Variants in DGKI observed in about 807,000 individuals in gnomAD.
DGKI encodes the protein diacylglycerol kinase iota, also known as DAG kinase iota.
A neutral mutation model predicts 147.5 loss-of-function variants in DGKI; 55 were observed. That is an observed-to-expected ratio of 0.37 (90% CI 0.30 to 0.47). The LOEUF (loss-of-function observed/expected upper bound fraction) is 0.47, where lower values mean the gene tolerates loss of function less well. Ranked by LOEUF, DGKI falls within the 20% of genes least tolerant of loss-of-function variation. DGKI has a pLI of 1.00. For synonymous variants in DGKI, 469 were observed against 477.1 expected (o/e 0.98, Z 0.22); for missense variants, 1,007 against 1,323.8 (o/e 0.76, Z 3.71).
At chr7:137,768,370 G>A (rs1049381277) in intron 1 of DGKI, among the ~76,000 whole-genome samples, 1 of 152,142 alleles carries the variant, frequency 6.6e-6, no homozygotes, top group Admixed American at 6.5e-5. Context: ...CAATAGTGGG[G>A]AGGGAGTGAG....
rs11982903 is a variant in DGKI at position 137,634,555 on chromosome 7, G to C, written c.804+10917C>G. ...AGATCACTACATCATAAGGTTGAGT[G>C]AGCCCAGCCTTAATCCATTGTTATA... On this transcript the variant is annotated intron_variant, in intron 6 of 32. Transcript: ENST00000614521. Among the ~76,000 whole-genome samples the C allele has an allele frequency of 7.7e-3, 1,173 of 152,276 alleles. 17 individuals carry two copies. Among genetic ancestry groups the C allele is most frequent in the African/African-American group, 0.027 (1,120 of 41,532 alleles).
chr7:137,660,760 T>C (rs774615689), intron 3 of DGKI, among the ~76,000 whole-genome samples: 37 of 151,646 alleles, frequency 2.4e-4, no homozygotes, highest in Non-Finnish European at 3.8e-4. Flanking sequence ...TGGTGGGAGT[T>C]GAGAGAGTTT....
chr7:137,513,220 T>C (rs1816636254), intron 21 of DGKI, among the ~76,000 whole-genome samples: 1 of 152,162 alleles, frequency 6.6e-6, no homozygotes, highest in African/African-American at 2.4e-5. Context: ...AAGCTATCTG[T>C]ATCTGTACTC....
intron 1 of DGKI, among the ~76,000 whole-genome samples, chr7:137,777,973 C>G (rs1032405913): frequency 6.6e-6 from 1 of 152,186 alleles, no homozygotes; most frequent in Non-Finnish European, 1.5e-5. Context: ...CTTATTTCCT[C>G]AACAAGAATA....
At chr7:137,832,996 G>C (rs985721692) in intron 1 of DGKI, among the ~76,000 whole-genome samples, 1 of 152,154 alleles carries the variant, frequency 6.6e-6, no homozygotes, top group African/African-American at 2.4e-5. Context: ...TTTCCAACAA[G>C]TTCCTTGTCT....
intron 7 of DGKI, among the ~76,000 whole-genome samples, chr7:137,622,948 A>T (rs1467100243): frequency 6.6e-6 from 1 of 152,238 alleles, no homozygotes; most frequent in Non-Finnish European, 1.5e-5. Flanking sequence ...ATGAGTGTAC[A>T]GACAACATCC....
At chr7:137,570,952 T>G (rs192073943) in intron 19 of DGKI, among the ~76,000 whole-genome samples, 330 of 152,308 alleles carry the variant, frequency 2.2e-3, no homozygotes, top group Middle Eastern at 0.01. Context: ...TCAGGAAAAG[T>G]AAGAAGTGAT....
chr7:137,459,796 C>A (rs978493019), intron 27 of DGKI, among the ~76,000 whole-genome samples: 1 of 152,016 alleles, frequency 6.6e-6, no homozygotes, highest in African/African-American at 2.4e-5. Flanking sequence ...TTCTGTTCAT[C>A]ATCTGTCTGT....
At chr7:137,803,821 A>G (rs1284196620) in intron 1 of DGKI, among the ~76,000 whole-genome samples, 1 of 152,248 alleles carries the variant, frequency 6.6e-6, no homozygotes, top group Non-Finnish European at 1.5e-5. Context: ...GAACACAGCA[A>G]GGATTTGAAG....
Position 137,702,725 on chromosome 7 carries a change from A to G in DGKI, c.402-12723T>C, listed in dbSNP as rs554441689. Among the ~76,000 whole-genome samples the G allele has an allele frequency of 2.6e-5, 4 of 152,256 alleles. No individual in the cohort carries two copies. In the East Asian group the frequency reaches 5.8e-4, roughly 22 times the overall value. On this transcript the variant is annotated intron_variant, in intron 1 of 32. Transcript: ENST00000614521. ...GGCAAAATACATTTGGAGCTTCCCA[A>G]AAAACTATGCTCAGACAACTGTCGT...
intron 28 of DGKI, among the ~76,000 whole-genome samples, chr7:137,442,329 G>A (rs1231780777): frequency 2.0e-5 from 3 of 152,086 alleles, no homozygotes; most frequent in Non-Finnish European, 4.4e-5. Context: ...CCTGACATAT[G>A]CCCCCTATTA....
chr7:137,582,638 C>T (rs1819244463), intron 14 of DGKI, among the ~76,000 whole-genome samples: 1 of 152,056 alleles, frequency 6.6e-6, no homozygotes, highest in South Asian at 2.1e-4. Flanking sequence ...CACAGCCACA[C>T]AGATACACAT....
rs758967847 is a variant in DGKI, at chr7:137,634,208, A to T, written c.805-10654T>A. Among the ~76,000 whole-genome samples the T allele has an allele frequency of 6.7e-4, 102 of 152,214 alleles. 1 individual carries two copies. The highest frequency in any genetic ancestry group is 1.9e-4 in the Non-Finnish European group (13 of 68,032). On this transcript the variant is annotated intron_variant, in intron 6 of 32. Transcript: ENST00000614521. The stretch of plus-strand genomic sequence containing the variant: ...CATTCTACATTTAGGAATGTGATCC[A>T]TTTATTGGATGACATTAAATGCTGC...
At chr7:137,713,500 A>AT (rs2116577000) in intron 1 of DGKI, among the ~76,000 whole-genome samples, 1 of 152,332 alleles carries the variant, frequency 6.6e-6, no homozygotes, top group South Asian at 2.1e-4. Context: ...ATACACATTT[A>AT]TTTTTAAGGA....
At chr7:137,665,848 G>A (rs1480361963) in intron 3 of DGKI, among the ~76,000 whole-genome samples, 1 of 151,950 alleles carries the variant, frequency 6.6e-6, no homozygotes, top group Non-Finnish European at 1.5e-5. Flanking sequence ...GAAAGCCAAG[G>A]GAAAAAAAAG....
chr7:137,663,389 G>T (rs1476141659), intron 3 of DGKI, among the ~76,000 whole-genome samples: 2 of 152,218 alleles, frequency 1.3e-5, no homozygotes, highest in Non-Finnish European at 2.9e-5. Context: ...GTCTAGCAGA[G>T]AAAGCAAATT....
chr7:137,445,164 A>T (rs1430987732), intron 27 of DGKI, among the ~76,000 whole-genome samples: 2 of 152,188 alleles, frequency 1.3e-5, no homozygotes, highest in African/African-American at 4.8e-5. Flanking sequence ...GTTGAAAATA[A>T]TTTTTAGCTA....
intron 21 of DGKI, among the ~76,000 whole-genome samples, chr7:137,517,413 G>A (rs1418488184): frequency 6.6e-6 from 1 of 151,298 alleles, no homozygotes; most frequent in Non-Finnish European, 1.5e-5. Context: ...GAGAAAGAGA[G>A]AGAAAGAAAG....
intron 20 of DGKI, among the ~76,000 whole-genome samples, chr7:137,543,728 G>A (rs939906719): frequency 2.0e-5 from 3 of 152,044 alleles, no homozygotes; most frequent in Non-Finnish European, 2.9e-5. Flanking sequence ...CTCACTTAAC[G>A]ATACTGGGGC....
Sources: gnomAD v4.1 joint callset for allele counts (sites outside exome capture counted in the v4.1 genomes callset) on GRCh38, gnomAD v4.1.1 for gene constraint, MANE v1.5 for transcripts, NCBI Gene and HGNC (gene_info 2026-07-23, HGNC 2026-07-21) for gene names.